Variants in CSMD1 observed in about 807,000 individuals in gnomAD.
The protein encoded by CSMD1 is CUB and Sushi multiple domains 1.
CSMD1 carries 213 observed loss-of-function variants against 417.5 expected under a neutral mutation model. That is an observed-to-expected ratio of 0.51 (90% confidence interval 0.46 to 0.57). CSMD1 has a LOEUF of 0.57. CSMD1 is among the 20% of genes least tolerant of loss of function. The pLI, the probability that CSMD1 is intolerant of heterozygous loss-of-function variation, is 0.00. For synonymous variants in CSMD1, 2,862 were observed against 1,736.8 expected (o/e 1.65, Z -16.11); for missense variants, 6,923 against 4,529.7 (o/e 1.53, Z -15.17).
In CSMD1 at chr8:4,344,504, C is replaced by T. The variant is rs201950957; in HGVS notation, c.415+75449G>A. On this transcript the variant is annotated intron_variant, in intron 3 of 69. Transcript: ENST00000635120. ...ATCTCTCAATCTATTTTTTCATTTT[C>T]ATAAAAATGATTGTCAGAAATATAT... is the stretch of plus-strand genomic sequence containing the variant. Among the ~76,000 whole-genome samples the T allele has an allele frequency of 2.2e-4, 33 of 151,118 alleles. No individual in the cohort carries two copies. In the East Asian group the frequency reaches 6.2e-3, roughly 29 times the overall value.
intron 5 of CSMD1, among the ~76,000 whole-genome samples, chr8:3,828,833 C>T (rs901476299): frequency 6.6e-6 from 1 of 152,030 alleles, no homozygotes; most frequent in Non-Finnish European, 1.5e-5. Flanking sequence ...CTCTTGATTG[C>T]AAAACTCCAC....
intron 5 of CSMD1, among the ~76,000 whole-genome samples, chr8:3,985,302 T>C (rs1393685520): frequency 1.3e-5 from 2 of 152,216 alleles, no homozygotes; most frequent in Non-Finnish European, 2.9e-5. Flanking sequence ...AGATAATAAA[T>C]TATTTTTAAA....
chr8:3,673,161 G>A (rs1304347888), intron 7 of CSMD1, among the ~76,000 whole-genome samples: 6 of 152,180 alleles, frequency 3.9e-5, no homozygotes, highest in Admixed American at 3.9e-4. Flanking sequence ...CTGATGCTAT[G>A]TCATTAATGG....
intron 2 of CSMD1, among the ~76,000 whole-genome samples, chr8:4,448,705 A>G (rs185220758): frequency 9.8e-5 from 15 of 152,294 alleles, no homozygotes; most frequent in Admixed American, 9.2e-4. Context: ...CTTTTTTGGC[A>G]TTGCCCATTT....
intron 3 of CSMD1, among the ~76,000 whole-genome samples, chr8:4,318,810 T>G (rs2128882743): frequency 6.6e-6 from 1 of 152,054 alleles, no homozygotes; most frequent in South Asian, 2.1e-4. Flanking sequence ...AATTTTAAAC[T>G]ATTTGAAAGC....
rs398112115 is a variant in CSMD1 at position 3,511,762 on chromosome 8, A to AAATAACATAAC, written c.1345-18037_1345-18036insGTTATGTTATT. On this transcript the variant is annotated intron_variant, in intron 10 of 69. Transcript: ENST00000635120. ...CAGAGTGAGACTCCATCTCTAAAAA[A>AAATAACATAAC]ATAACATAACATAACATAACATAAC... 7.0e-3 allele frequency among the ~76,000 whole-genome samples: 973 copies of AAATAACATAAC among 138,392 alleles called. 8 individuals are homozygous for AAATAACATAAC. Among genetic ancestry groups the AAATAACATAAC allele is most frequent in the East Asian group, 0.023 (111 of 4,734 alleles). 90.8% of individuals were successfully genotyped at this position (138,392 alleles called of 152,430 possible).
chr8:3,360,098 T>C (rs998368036), intron 20 of CSMD1, among the ~76,000 whole-genome samples: 14 of 152,158 alleles, frequency 9.2e-5, no homozygotes, highest in African/African-American at 3.4e-4. Context: ...TCAGAGCCAA[T>C]TTTGCCTCTA....
At chr8:3,686,381 A>C (rs1799945064) in intron 7 of CSMD1, among the ~76,000 whole-genome samples, 1 of 152,148 alleles carries the variant, frequency 6.6e-6, no homozygotes, top group Admixed American at 6.6e-5. Context: ...AGGTGCCGCC[A>C]CACTGACGAT....
intron 11 of CSMD1, among the ~76,000 whole-genome samples, chr8:3,493,211 T>C (rs140388828): frequency 0.062 from 9,253 of 150,166 alleles, 373 homozygotes; most frequent in Non-Finnish European, 0.094. Context: ...GGTGAATTGC[T>C]TGAACCCGGG....
intron 5 of CSMD1, among the ~76,000 whole-genome samples, chr8:3,805,962 T>C (rs1020245909): frequency 6.6e-6 from 1 of 152,128 alleles, no homozygotes; most frequent in African/African-American, 2.4e-5. Flanking sequence ...TCCTTCTTCT[T>C]CCGTCTTCAG....
At chr8:3,476,163 C>A (rs534930547) in intron 11 of CSMD1, among the ~76,000 whole-genome samples, 1 of 152,222 alleles carries the variant, frequency 6.6e-6, no homozygotes, top group South Asian at 2.1e-4. Flanking sequence ...CGCAACATAG[C>A]GAGGCCTTGG....
chr8:4,791,187 T>A (rs896535459), intron 1 of CSMD1, among the ~76,000 whole-genome samples: 1 of 152,054 alleles, frequency 6.6e-6, no homozygotes, highest in African/African-American at 2.4e-5. Context: ...AACAGACCAC[T>A]GGTCTTGAGA....
intron 1 of CSMD1, among the ~76,000 whole-genome samples, chr8:4,938,333 G>A (rs569489234): frequency 5.1e-4 from 78 of 152,142 alleles, no homozygotes; most frequent in Non-Finnish European, 8.5e-4. Context: ...GTTCATAAAT[G>A]CAACATTTCA....
At chr8:3,225,540 A>G (rs1798450897) in intron 27 of CSMD1, among the ~76,000 whole-genome samples, 1 of 152,194 alleles carries the variant, frequency 6.6e-6, no homozygotes, top group Admixed American at 6.5e-5. Context: ...GCTGATGCAG[A>G]GAAAGAAGGT....
At chr8:3,473,212 A>T (rs780315228) in intron 11 of CSMD1, among the ~76,000 whole-genome samples, 1 of 152,178 alleles carries the variant, frequency 6.6e-6, no homozygotes, top group Non-Finnish European at 1.5e-5. Context: ...ATCTTATATT[A>T]CTTTGTTCAT....
intron 1 of CSMD1, among the ~76,000 whole-genome samples, chr8:4,825,542 G>A (rs1161248196): frequency 3.3e-5 from 5 of 151,798 alleles, no homozygotes; most frequent in Admixed American, 1.3e-4. Context: ...TCTACTCTCT[G>A]CTTATATGTG....
At chr8:3,925,001 T>C (rs555905408) in intron 5 of CSMD1, among the ~76,000 whole-genome samples, 1 of 152,312 alleles carries the variant, frequency 6.6e-6, no homozygotes, top group Admixed American at 6.5e-5. Flanking sequence ...CCTTGCTGAC[T>C]GGTAAGAGAA....
intron 3 of CSMD1, among the ~76,000 whole-genome samples, chr8:4,176,169 A>G (rs1798029706): frequency 1.3e-5 from 2 of 152,004 alleles, no homozygotes; most frequent in South Asian, 4.2e-4. Flanking sequence ...CTATGTCTTG[A>G]TCAGAAGCCC....
In CSMD1 at chr8:3,626,052, C is replaced by G. The variant is rs369854626; in HGVS notation, c.1010-9255G>C. Among the ~76,000 whole-genome samples the G allele has an allele frequency of 5.3e-5, 8 of 152,264 alleles. No individual in the cohort carries two copies. In the South Asian group the frequency reaches 1.7e-3, roughly 32 times the overall value. On this transcript the variant is annotated intron_variant, in intron 7 of 69. Transcript: ENST00000635120. The stretch of plus-strand genomic sequence containing the variant: ...AATGACCTTAACAAAATTAATGGCA[C>G]TGAACATTTTATAAGAGCCTGGAGA...
Sources: allele counts gnomAD v4.1 joint callset (sites outside exome capture counted in the v4.1 genomes callset), GRCh38; gene constraint gnomAD v4.1.1; transcripts MANE v1.5; gene names NCBI Gene and HGNC (gene_info 2026-07-23, HGNC 2026-07-21).